Variants in MIPEP observed in about 807,000 individuals in gnomAD.
MIPEP encodes mitochondrial intermediate peptidase.
Under a neutral mutation model 90.3 loss-of-function variants are expected in MIPEP, and 79 were observed. The observed-to-expected ratio is 0.87, with a 90% CI of 0.73 to 1.05. The LOEUF is 1.05. Among genes scored for constraint, MIPEP ranks in the 50% least tolerant of loss-of-function variants. The probability of loss-of-function intolerance (pLI) is 0.00; values close to 1 mark genes in which losing one functional copy is unlikely to be tolerated. For missense variants in MIPEP, 940 were observed against 905.6 expected, an observed-to-expected ratio of 1.04 and a Z score of -0.49; for synonymous variants, 334 against 315.8, an observed-to-expected ratio of 1.06 and a Z score of -0.61.
At chr13:23,851,126 T>C (rs987187108) in intron 10 of MIPEP, among the ~76,000 whole-genome samples, 10 of 152,180 alleles carry the variant, frequency 6.6e-5, no homozygotes, top group African/African-American at 1.7e-4. Flanking sequence ...TCTCCCCAGG[T>C]TGCAGACACG....
intron 18 of MIPEP, among the ~76,000 whole-genome samples, chr13:23,743,671 T>C (rs762566513): frequency 3.3e-5 from 5 of 152,268 alleles, no homozygotes; most frequent in Non-Finnish European, 7.3e-5. Context: ...GTTTACACAT[T>C]AGTTTATTTT....
intron 18 of MIPEP, chr13:23,756,336 G>C: frequency 2.1e-6 from 1 of 478,772 alleles, no homozygotes; most frequent in Non-Finnish European, 3.8e-6. Context: ...TGTATTTTTA[G>C]TAGAGACAGG....
intron 14 of MIPEP, among the ~76,000 whole-genome samples, chr13:23,824,298 A>T (rs1318730947): frequency 6.6e-6 from 1 of 152,224 alleles, no homozygotes; most frequent in East Asian, 1.9e-4. Context: ...GAGCTAAGTC[A>T]CTGTGATAAA....
In MIPEP at chr13:23,871,352, G is replaced by C. The variant is rs79417978; in HGVS notation, c.604-1157C>G. 9.3e-3 allele frequency among the ~76,000 whole-genome samples: 1,409 copies of C among 152,276 alleles called. 23 individuals carry two copies. The highest frequency in any genetic ancestry group is 0.032 in the African/African-American group (1,335 of 41,546). ...AAACTAGAAACCACATAATTAGGCT[G>C]ACTGGAGGAGAAGGGCTGAATTTTC... On this transcript the variant is annotated intron_variant, in intron 5 of 18. Coordinates refer to ENST00000382172, the MANE Select transcript of MIPEP (RefSeq NM_005932.4).
chr13:23,817,727 C>T (rs1292701613), intron 14 of MIPEP, among the ~76,000 whole-genome samples: 1 of 152,042 alleles, frequency 6.6e-6, no homozygotes, highest in South Asian at 2.1e-4. Flanking sequence ...TGTTTGTGTA[C>T]CCCTCAAAAT....
chr13:23,872,025 T>C (rs1458932805), intron 5 of MIPEP, among the ~76,000 whole-genome samples: 1 of 152,364 alleles, frequency 6.6e-6, no homozygotes, highest in Non-Finnish European at 1.5e-5. Context: ...GCCAGGCATA[T>C]CACTTCATCA....
chr13:23,776,845 CAG>C (rs1270239965), intron 16 of MIPEP, among the ~76,000 whole-genome samples: 1 of 151,042 alleles, frequency 6.6e-6, no homozygotes. Context: ...GAAAATGGGA[CAG>C]AAAATATATA....
chr13:23,760,186 C>T lies in MIPEP; in HGVS notation c.1880G>A (p.Gly627Glu), dbSNP rs183315697. ...GTAAGAGTAATATCTAGCACCATAC[C>T]CCACGAGGTGGCTGAATCGCAGCTG... ...AWQLRFSHLV[G>E]YGARYYSYLM... Residue 627 changes from glycine to glutamate, a missense_variant, in exon 17 of 19, where the codon GGG becomes GAG. Gly to Glu is a moderately conservative substitution (Grantham distance 98, BLOSUM62 -2). Coordinates refer to ENST00000382172, the MANE Select transcript of MIPEP (RefSeq NM_005932.4). 1.3e-5 allele frequency: 21 copies of T among 1,613,986 alleles called. No individual in the cohort carries two copies. In the Admixed American group the frequency reaches 1.7e-4, roughly 13 times the overall value.
intron 16 of MIPEP, among the ~76,000 whole-genome samples, chr13:23,772,319 A>C (rs1952662265): frequency 6.6e-6 from 1 of 152,064 alleles, no homozygotes; most frequent in Non-Finnish European, 1.5e-5. Flanking sequence ...TTTTTTTTTA[A>C]CAACAACAAC....
At chr13:23,768,293 G>A (rs138252943) in intron 16 of MIPEP, among the ~76,000 whole-genome samples, 4 of 152,322 alleles carry the variant, frequency 2.6e-5, no homozygotes, top group African/African-American at 7.2e-5. Flanking sequence ...TGTTGTGTAT[G>A]TATGACACCT....
At chr13:23,731,266 G>C (rs1426283516) in intron 18 of MIPEP, among the ~76,000 whole-genome samples, 3 of 152,094 alleles carry the variant, frequency 2.0e-5, no homozygotes, top group Non-Finnish European at 4.4e-5. Flanking sequence ...TCAAAATCAA[G>C]GCATTAAAAG....
chr13:23,780,724 G>A (rs1339014037), intron 16 of MIPEP, among the ~76,000 whole-genome samples: 1 of 152,128 alleles, frequency 6.6e-6, no homozygotes, highest in African/African-American at 2.4e-5. Context: ...TAGACGAATG[G>A]CTAACTAGAA....
At chr13:23,743,261 G>C (rs896198638) in intron 18 of MIPEP, among the ~76,000 whole-genome samples, 3 of 106,044 alleles carry the variant, frequency 2.8e-5, no homozygotes, top group African/African-American at 9.7e-5. Flanking sequence ...AGCTACAAAG[G>C]CTAGCCTGGC....
chr13:23,797,354 C>T (rs1811847042), intron 16 of MIPEP, among the ~76,000 whole-genome samples: 1 of 152,208 alleles, frequency 6.6e-6, no homozygotes, highest in South Asian at 2.1e-4. Flanking sequence ...TGTTCATCTC[C>T]ACTTGGATAT....
chr13:23,782,668 C>A (rs962362223), intron 16 of MIPEP, among the ~76,000 whole-genome samples: 5 of 152,054 alleles, frequency 3.3e-5, no homozygotes, highest in Non-Finnish European at 7.4e-5. Context: ...AATCCAGGAG[C>A]TGGTTTTTTG....
intron 9 of MIPEP, among the ~76,000 whole-genome samples, chr13:23,859,778 G>T (rs1257801117): frequency 6.6e-6 from 1 of 152,100 alleles, no homozygotes; most frequent in Non-Finnish European, 1.5e-5. Flanking sequence ...ATTGAGTAAG[G>T]GCTCAACAAA....
intron 16 of MIPEP, among the ~76,000 whole-genome samples, chr13:23,778,347 A>G (rs1952739295): frequency 6.6e-6 from 1 of 152,234 alleles, no homozygotes; most frequent in Admixed American, 6.5e-5. Flanking sequence ...TATATACATT[A>G]CAAATCATGA....
chr13:23,747,456 C>G (rs1952395648), intron 18 of MIPEP: 1 of 453,260 alleles, frequency 2.2e-6, no homozygotes. Context: ...AGCTGCTTAA[C>G]AGTCAGTACT....
intron 16 of MIPEP, among the ~76,000 whole-genome samples, chr13:23,760,900 G>C (rs1952535574): frequency 6.6e-6 from 1 of 152,056 alleles, no homozygotes; most frequent in Non-Finnish European, 1.5e-5. Flanking sequence ...GTAAAGTCAG[G>C]AGTTTATTTA....
Sources: gnomAD v4.1 joint callset for allele counts (sites outside exome capture counted in the v4.1 genomes callset) on GRCh38, gnomAD v4.1.1 for gene constraint, MANE v1.5 for transcripts, NCBI Gene and HGNC (gene_info 2026-07-23, HGNC 2026-07-21) for gene names.